LUZP2: variants seen among roughly 807,000 people sequenced by gnomAD.
LUZP2 encodes the protein leucine zipper protein 2.
LUZP2 carries 52 observed loss-of-function variants against 51.6 expected under a neutral mutation model. The observed-to-expected ratio is 1.01, with a 90% CI of 0.81 to 1.27. LUZP2 has a LOEUF of 1.27. LUZP2 is among the 50% of genes most tolerant of loss of function. The pLI, the probability that LUZP2 is intolerant of heterozygous loss-of-function variation, is 0.00. For synonymous variants in LUZP2, 154 were observed against 137.3 expected (o/e 1.12, Z -0.85); for missense variants, 436 against 395.4 (o/e 1.10, Z -0.87).
chr11:24,821,787 G>A (rs1850366204), intron 5 of LUZP2, among the ~76,000 whole-genome samples: 1 of 151,846 alleles, frequency 6.6e-6, no homozygotes, highest in African/African-American at 2.4e-5. Flanking sequence ...GATGGGAACT[G>A]TAGTTGAGGT....
chr11:24,772,789 T>G (rs974355393), intron 5 of LUZP2, among the ~76,000 whole-genome samples: 2 of 152,188 alleles, frequency 1.3e-5, no homozygotes, highest in African/African-American at 4.8e-5. Flanking sequence ...CTCTTTGGCT[T>G]GTAGTGGTAT....
intron 5 of LUZP2, among the ~76,000 whole-genome samples, chr11:24,779,075 G>A (rs1463540300): frequency 1.3e-5 from 2 of 152,084 alleles, no homozygotes; most frequent in African/African-American, 4.8e-5. Context: ...TCTAGTACAT[G>A]CCATAGAAAA....
intron 1 of LUZP2, among the ~76,000 whole-genome samples, chr11:24,635,322 T>C (rs1855055282): frequency 6.6e-6 from 1 of 152,110 alleles, no homozygotes; most frequent in Non-Finnish European, 1.5e-5. Context: ...TGATCTTATC[T>C]TGACATTAAA....
intron 9 of LUZP2, among the ~76,000 whole-genome samples, chr11:24,991,682 G>A (rs767680240): frequency 1.4e-4 from 21 of 151,572 alleles, no homozygotes; most frequent in African/African-American, 3.6e-4. Flanking sequence ...TTACATTCCC[G>A]CCAGCAGTGT....
intron 4 of LUZP2, chr11:24,751,660 T>A (rs1859593192): frequency 1.4e-5 from 9 of 650,736 alleles, no homozygotes; most frequent in Admixed American, 6.4e-5. Flanking sequence ...ACAGCAGCCA[T>A]CATTGGCCCT....
In LUZP2 at chr11:24,918,507, A is replaced by G. The variant is rs1486785598; in HGVS notation, c.522+3969A>G. Among the ~76,000 whole-genome samples the G allele has an allele frequency of 2.0e-5, 3 of 151,950 alleles. No individual in the cohort carries two copies. In the East Asian group the frequency reaches 5.8e-4, roughly 29 times the overall value. On this transcript the variant is annotated intron_variant, in intron 7 of 11. Transcript: ENST00000336930. ...GCAGAAAAGGCCTTTGACAAAATTC[A>G]ACAGTGCTTCATGCTAAAAACTCTC...
intron 3 of LUZP2, among the ~76,000 whole-genome samples, chr11:24,734,248 G>T (rs1217560099): frequency 1.3e-5 from 1 of 75,002 alleles, no homozygotes; most frequent in African/African-American, 5.7e-5. Flanking sequence ...ACTACAGGAG[G>T]GACGCGGATG....
At chr11:24,618,871 G>C (rs1366765858) in intron 1 of LUZP2, among the ~76,000 whole-genome samples, 2 of 151,712 alleles carry the variant, frequency 1.3e-5, no homozygotes, top group East Asian at 3.9e-4. Flanking sequence ...AGCATCCTTG[G>C]GTTATTTATG....
At chr11:24,589,114 G>A (rs6484060) in intron 1 of LUZP2, among the ~76,000 whole-genome samples, 148,014 of 152,144 alleles carry the variant, frequency 0.97, 72,118 homozygotes, top group East Asian at 1. Flanking sequence ...ACAATGTCCT[G>A]GCTATTGGAC....
intron 1 of LUZP2, among the ~76,000 whole-genome samples, chr11:24,540,252 G>A (rs549038708): frequency 2.6e-4 from 39 of 152,058 alleles, no homozygotes; most frequent in Non-Finnish European, 5.6e-4. Context: ...GTAGGGGAGT[G>A]AAGTGTTATA....
intron 5 of LUZP2, among the ~76,000 whole-genome samples, chr11:24,849,955 C>T (rs564221815): frequency 3.3e-5 from 5 of 152,286 alleles, no homozygotes; most frequent in African/African-American, 1.2e-4. Flanking sequence ...ATATCCTTCA[C>T]CCAATTTTTG....
chr11:25,078,417 C>A, intron 11 of LUZP2, 137 bp from the exon 12 acceptor site: 1 of 630,328 alleles, frequency 1.6e-6, no homozygotes. Context: ...TGTTTCATTT[C>A]TGTCCTGTGT....
intron 1 of LUZP2, among the ~76,000 whole-genome samples, chr11:24,617,729 G>A (rs754975621): frequency 1.3e-5 from 2 of 151,954 alleles, no homozygotes; most frequent in Non-Finnish European, 2.9e-5. Context: ...GCTGAGGCAG[G>A]GTAATCTCTT....
intron 7 of LUZP2, among the ~76,000 whole-genome samples, chr11:24,952,851 G>A (rs1027096693): frequency 6.6e-6 from 1 of 151,854 alleles, no homozygotes; most frequent in African/African-American, 2.4e-5. Context: ...CTCATGTTAT[G>A]TACAATTACA....
chr11:24,954,380 A>G (rs570588701), intron 7 of LUZP2, among the ~76,000 whole-genome samples: 34 of 152,076 alleles, frequency 2.2e-4, no homozygotes, highest in Admixed American at 2.0e-3. Context: ...GGGTACAGCT[A>G]TAGACTTAAA....
At chr11:24,960,223 T>C (rs1174477317) in intron 7 of LUZP2, among the ~76,000 whole-genome samples, 1 of 152,216 alleles carries the variant, frequency 6.6e-6, no homozygotes, top group Non-Finnish European at 1.5e-5. Context: ...TTTTTTGTTG[T>C]GTCTTTGACC....
chr11:24,754,119 T>G (rs1306945232), intron 4 of LUZP2, among the ~76,000 whole-genome samples: 2 of 152,160 alleles, frequency 1.3e-5, no homozygotes, highest in African/African-American at 2.4e-5. Flanking sequence ...TCTCTTCTCT[T>G]TTTCTTTGTA....
chr11:24,691,885 G>A (rs1416929468), intron 1 of LUZP2, among the ~76,000 whole-genome samples: 1 of 151,822 alleles, frequency 6.6e-6, no homozygotes, highest in Non-Finnish European at 1.5e-5. Context: ...GATTCATAAG[G>A]CCAGCATTCA....
Position 24,963,041 on chromosome 11 carries a change from T to C in LUZP2, c.523-13550T>C, listed in dbSNP as rs545117022. ...CTAGAGGTCCACTCCAGACCCTGTTTGCCTGGGTATCAGCAGCGGTGTTTG... is the reference window on the plus strand; with the variant it reads ...CTAGAGGTCCACTCCAGACCCTGTTCGCCTGGGTATCAGCAGCGGTGTTTG... On this transcript the variant is annotated intron_variant, in intron 7 of 11. Transcript: ENST00000336930. 5.5e-3 allele frequency among the ~76,000 whole-genome samples: 831 copies of C among 152,346 alleles called. 10 individuals carry two copies. The highest frequency in any genetic ancestry group is 0.018 in the African/African-American group (761 of 41,578).
Sources: gnomAD v4.1 joint callset for allele counts (sites outside exome capture counted in the v4.1 genomes callset) on GRCh38, gnomAD v4.1.1 for gene constraint, MANE v1.5 for transcripts, NCBI Gene and HGNC (gene_info 2026-07-23, HGNC 2026-07-21) for gene names.